The following CD226 variants were observed in gnomAD, a reference collection of about 807,000 sequenced individuals.
CD226 encodes CD226 molecule, also known as CD226 antigen.
Under a neutral mutation model 34.9 loss-of-function variants are expected in CD226, and 24 were observed. The observed-to-expected ratio is 0.69, with a 90% CI of 0.50 to 0.97. The LOEUF (loss-of-function observed/expected upper bound fraction) is 0.97, where lower values mean the gene tolerates loss of function less well. CD226 is among the 50% of genes least tolerant of loss of function. The probability of loss-of-function intolerance (pLI) is 0.00; values close to 1 mark genes in which losing one functional copy is unlikely to be tolerated. For synonymous variants in CD226, 148 were observed against 147.4 expected (o/e 1.00, Z -0.03); for missense variants, 397 against 412.7 (o/e 0.96, Z 0.33).
chr18:69,879,912 A>C (rs2145205421), intron 3 of CD226, among the ~76,000 whole-genome samples: 1 of 152,324 alleles, frequency 6.6e-6, no homozygotes, highest in Middle Eastern at 3.4e-3. Flanking sequence ...GAGCCACTGA[A>C]GAAGAACCAA....
chr18:69,884,862 T>G (rs2145216781), intron 3 of CD226, among the ~76,000 whole-genome samples: 1 of 152,358 alleles, frequency 6.6e-6, no homozygotes, highest in Non-Finnish European at 1.5e-5. Flanking sequence ...ATGGGTTGTA[T>G]CTACTTGGCT....
At chr18:69,958,268 C>T (rs1188858403), upstream of CD226, among the ~76,000 whole-genome samples, 1 of 152,326 alleles carries the variant, frequency 6.6e-6, no homozygotes, top group East Asian at 1.9e-4. Flanking sequence ...GATCCTTGCA[C>T]AGGGCCCTTG....
rs2145166815 is a variant in CD226 at position 69,862,256 on chromosome 18, C to T, written c.*2058G>A. 1 of 152,218 alleles carries T rather than the reference C, an allele frequency of 6.6e-6. No homozygotes were observed. The highest frequency in any genetic ancestry group is 6.5e-5 in the Admixed American group (1 of 15,304). 9.4% of individuals were successfully genotyped at this position (152,218 alleles called of 1,614,324 possible). A position where few individuals can be genotyped will look rare whatever the true frequency, so the allele number is the denominator to read the frequency against. ...CTACAACTGTAAAAATGTTTTCCTG[C>T]TCACATACACTAATCATTGAGAATT... On this transcript the variant is annotated 3_prime_UTR_variant, in exon 6 of 6. Coordinates refer to ENST00000582621, the MANE Select transcript of CD226 (RefSeq NM_001303618.2).
chr18:69,873,116 A>G (rs1157199962), intron 4 of CD226, 28 bp downstream of exon 4: 3 of 1,175,388 alleles, frequency 2.6e-6, no homozygotes, highest in Admixed American at 1.7e-5. Flanking sequence ...CATGGTGAAT[A>G]AGATTCAGCA....
At chr18:69,906,315 A>G (rs1439611017) in intron 2 of CD226, among the ~76,000 whole-genome samples, 1 of 152,248 alleles carries the variant, frequency 6.6e-6, no homozygotes, top group Non-Finnish European at 1.5e-5. Context: ...TCTAAAACTA[A>G]GTTTTAAAAC....
At chr18:69,929,528 C>T (rs1380945915) in intron 2 of CD226, among the ~76,000 whole-genome samples, 2 of 152,116 alleles carry the variant, frequency 1.3e-5, no homozygotes, top group Non-Finnish European at 2.9e-5. Flanking sequence ...CTTTAGAGCC[C>T]TGCCCAGGGC....
chr18:69,859,116 T>G lies in CD226; in HGVS notation c.*5198A>C, dbSNP rs1790949. 6.6e-6 allele frequency: 1 copy of G among 152,184 alleles called. No homozygotes were observed. Among genetic ancestry groups the G allele is most frequent in the Non-Finnish European group, 1.5e-5 (1 of 68,040 alleles). The allele number at this position is 152,184 out of a possible 1,614,324, so 9.4% of individuals were successfully genotyped here. A position where few individuals can be genotyped will look rare whatever the true frequency, so the allele number is the denominator to read the frequency against. ...TACAACACGGAAACACATGTCCTTT[T>G]GTTCTGGAAAATGTTTTAGAGTGGA... is the stretch of plus-strand genomic sequence containing the variant. On this transcript the variant is annotated 3_prime_UTR_variant, in exon 6 of 6. Coordinates refer to ENST00000582621, the MANE Select transcript of CD226 (RefSeq NM_001303618.2).
chr18:69,946,914 C>CTT lies in CD226; in HGVS notation c.201_202insAA (p.Gly68LysfsTer5). ...GCATAGGGCTTCCTTATGACCATGCCATGAGTAGGGCTGAAAATGGCTATG... is the reference window on the plus strand; with the variant it reads ...GCATAGGGCTTCCTTATGACCATGCCTTATGAGTAGGGCTGAAAATGGCTATG... On this transcript the variant is annotated frameshift_variant, in exon 2 of 6. Transcript: ENST00000582621. LOFTEE classifies it high-confidence loss of function. 1 of 1,614,080 alleles carries CTT rather than the reference C, an allele frequency of 6.2e-7. No homozygotes were observed. Among genetic ancestry groups the CTT allele is most frequent in the Non-Finnish European group, 8.5e-7 (1 of 1,180,006 alleles).
At chr18:69,867,459 C>A in intron 4 of CD226, 48 bp from the exon 5 acceptor site, 1 of 1,213,246 alleles carries the variant, frequency 8.2e-7, no homozygotes. Context: ...TATTCCAGTA[C>A]TAATATTATT....
At chr18:69,900,498 C>A (rs1037872149) in intron 2 of CD226, among the ~76,000 whole-genome samples, 1 of 151,208 alleles carries the variant, frequency 6.6e-6, no homozygotes, top group African/African-American at 2.4e-5. Context: ...TTTGCGAGGC[C>A]GAGGCGGGCG....
upstream of CD226, among the ~76,000 whole-genome samples, chr18:69,950,677 A>T (rs2055845320): frequency 6.6e-6 from 1 of 152,174 alleles, no homozygotes; most frequent in South Asian, 2.1e-4. Flanking sequence ...GAAGTTTTTC[A>T]ATCATTGTAG....
chr18:69,927,613 T>G (rs978998473), intron 2 of CD226, among the ~76,000 whole-genome samples: 1 of 152,192 alleles, frequency 6.6e-6, no homozygotes, highest in Non-Finnish European at 1.5e-5. Flanking sequence ...GTACCTCATA[T>G]AAGTGGAATC....
upstream of CD226, among the ~76,000 whole-genome samples, chr18:69,952,542 G>A (rs181035405): frequency 1.9e-3 from 296 of 152,286 alleles, 1 homozygote; most frequent in Non-Finnish European, 3.0e-3. Context: ...GGGACAACTG[G>A]ATAGCCACAT....
rs59216052 is a variant in CD226 at position 69,861,554 on chromosome 18, G to GTGTATATATATATATATA, written c.*2759_*2760insTATATATATATATATACA. 1,235 of 127,908 alleles carry GTGTATATATATATATATA rather than the reference G, an allele frequency of 9.7e-3. 20 individuals carry two copies. Among genetic ancestry groups the GTGTATATATATATATATA allele is most frequent in the East Asian group, 0.067 (283 of 4,196 alleles). The allele number at this position is 127,908 out of a possible 1,614,324, so 7.9% of individuals were successfully genotyped here. A position where few individuals can be genotyped will look rare whatever the true frequency, so the allele number is the denominator to read the frequency against. The stretch of plus-strand genomic sequence containing the variant: ...ATAAATTATATGTGTATATATATAT[G>GTGTATATATATATATATA]TATATATATATATATATATGTAAAA... On this transcript the variant is annotated 3_prime_UTR_variant, in exon 6 of 6. Transcript: ENST00000582621.
intron 2 of CD226, among the ~76,000 whole-genome samples, chr18:69,923,176 G>GAGAA (rs982103439): frequency 6.8e-6 from 1 of 146,184 alleles, no homozygotes; most frequent in East Asian, 2.0e-4. Context: ...GAGAAAAAGA[G>GAGAA]AGAAAGAAAG....
chr18:69,939,149 A>C (rs138014526), intron 2 of CD226, among the ~76,000 whole-genome samples: 2 of 152,244 alleles, frequency 1.3e-5, no homozygotes, highest in African/African-American at 2.4e-5. Context: ...TTTTGAGACA[A>C]ATGCAAAATA....
chr18:69,869,299 T>C (rs1983354442), intron 4 of CD226, among the ~76,000 whole-genome samples: 1 of 152,196 alleles, frequency 6.6e-6, no homozygotes, highest in Non-Finnish European at 1.5e-5. Flanking sequence ...GTGGTACACA[T>C]ATACCATAGA....
chr18:69,941,213 C>T (rs1253712173), intron 2 of CD226, among the ~76,000 whole-genome samples: 2 of 152,246 alleles, frequency 1.3e-5, no homozygotes, highest in Non-Finnish European at 2.9e-5. Context: ...TCTGCTAGGG[C>T]ACTGCAGCAG....
At chr18:69,897,342 G>A (rs1320529737) in intron 2 of CD226, among the ~76,000 whole-genome samples, 2 of 152,130 alleles carry the variant, frequency 1.3e-5, no homozygotes, top group Non-Finnish European at 2.9e-5. Context: ...AATAAACTGT[G>A]GTAACTCTTT....
Sources: allele counts gnomAD v4.1 joint callset (sites outside exome capture counted in the v4.1 genomes callset), GRCh38; gene constraint gnomAD v4.1.1; transcripts MANE v1.5; gene names NCBI Gene and HGNC (gene_info 2026-07-23, HGNC 2026-07-21).